LSAMP: variants seen among roughly 807,000 people sequenced by gnomAD.
The protein encoded by LSAMP is limbic system-associated membrane protein.
Under a neutral mutation model 38.6 loss-of-function variants are expected in LSAMP, and 7 were observed. The ratio of observed to expected loss-of-function variants is 0.18; its 90% CI spans 0.10 to 0.34. The LOEUF (loss-of-function observed/expected upper bound fraction) is 0.34. Ranked by LOEUF, LSAMP falls within the 10% of genes least tolerant of loss-of-function variation. The pLI is 1.00. For missense variants in LSAMP, 313 were observed against 420.0 expected (o/e 0.75, Z 2.23); for synonymous variants, 154 against 166.8 (o/e 0.92, Z 0.59).
chr3:116,396,549 T>C (rs1351348613), intron 1 of LSAMP, among the ~76,000 whole-genome samples: 1 of 152,220 alleles, frequency 6.6e-6, no homozygotes, highest in African/African-American at 2.4e-5. Flanking sequence ...CATTGCTTAA[T>C]TACTTTCACT....
At chr3:115,900,692 G>C (rs745609734) in intron 3 of LSAMP, among the ~76,000 whole-genome samples, 26 of 152,080 alleles carry the variant, frequency 1.7e-4, no homozygotes, top group African/African-American at 6.3e-4. Context: ...GAAGTTGGCT[G>C]CTCCATTTAT....
intron 1 of LSAMP, among the ~76,000 whole-genome samples, chr3:116,123,491 G>A (rs1220192713): frequency 6.6e-6 from 1 of 152,240 alleles, no homozygotes; most frequent in Non-Finnish European, 1.5e-5. Context: ...ACATGATGAT[G>A]TAGAAGGAAG....
chr3:116,107,594 G>A (rs754881209), intron 1 of LSAMP, among the ~76,000 whole-genome samples: 5 of 152,186 alleles, frequency 3.3e-5, no homozygotes, highest in Admixed American at 6.5e-5. Context: ...GGGCGAGCAT[G>A]TGTGTTTTTA....
chr3:116,427,437 A>T (rs935880702), intron 1 of LSAMP, among the ~76,000 whole-genome samples: 9 of 152,192 alleles, frequency 5.9e-5, no homozygotes, highest in African/African-American at 2.2e-4. Flanking sequence ...CAGCTCTTTC[A>T]TTAAACATGT....
At chr3:116,411,715 A>G (rs1402851107) in intron 1 of LSAMP, among the ~76,000 whole-genome samples, 1 of 151,156 alleles carries the variant, frequency 6.6e-6, no homozygotes, top group Non-Finnish European at 1.5e-5. Context: ...AGCATGGCAC[A>G]TGTATACATA....
intron 3 of LSAMP, among the ~76,000 whole-genome samples, chr3:115,885,758 A>G (rs1451759053): frequency 6.6e-6 from 1 of 151,824 alleles, no homozygotes. Context: ...GGCAAGGCTT[A>G]AGTTAGAGTC....
Position 116,407,040 on chromosome 3 carries a change from C to A in LSAMP, c.155+37837G>T, listed in dbSNP as rs141453864. On this transcript the variant is annotated intron_variant, in intron 1 of 6. Coordinates refer to ENST00000490035, the MANE Select transcript of LSAMP (RefSeq NM_002338.5). ...AAGAGTATGAAGAAACTTTAACTTTCTGCCTTCACTAATTGAATTTTTTTA... is the reference window on the plus strand; with the variant it reads ...AAGAGTATGAAGAAACTTTAACTTTATGCCTTCACTAATTGAATTTTTTTA... Among the ~76,000 whole-genome samples, 11 of 152,144 alleles carry A rather than the reference C, an allele frequency of 7.2e-5. No individual in the cohort carries two copies. The East Asian group carries it at 2.1e-3, about 29-fold the overall frequency.
intron 6 of LSAMP, among the ~76,000 whole-genome samples, chr3:115,822,548 T>C (rs564644512): frequency 3.3e-5 from 5 of 152,006 alleles, no homozygotes; most frequent in Non-Finnish European, 7.4e-5. Context: ...TTAGTAGAGA[T>C]GGAGTTTCTC....
chr3:116,412,432 T>A (rs777980564), intron 1 of LSAMP, among the ~76,000 whole-genome samples: 3 of 152,090 alleles, frequency 2.0e-5, no homozygotes, highest in Non-Finnish European at 4.4e-5. Flanking sequence ...TCTTTCTACA[T>A]CTCTGATCAC....
intron 2 of LSAMP, among the ~76,000 whole-genome samples, chr3:116,081,298 C>T (rs1055394173): frequency 7.9e-5 from 12 of 152,096 alleles, no homozygotes; most frequent in African/African-American, 2.9e-4. Flanking sequence ...CTCATCTCTA[C>T]TAAAAATTAG....
chr3:116,431,248 TTAA>T (rs1303253028), intron 1 of LSAMP, among the ~76,000 whole-genome samples: 4 of 152,050 alleles, frequency 2.6e-5, no homozygotes, highest in Non-Finnish European at 5.9e-5. Context: ...CCATAATATA[TTAA>T]TAAGTCTATT....
intron 2 of LSAMP, among the ~76,000 whole-genome samples, chr3:116,038,974 G>C (rs1247432129): frequency 1.3e-5 from 2 of 152,036 alleles, no homozygotes; most frequent in Non-Finnish European, 2.9e-5. Context: ...AGAGAGGGAG[G>C]ATAAAAACAA....
intron 1 of LSAMP, among the ~76,000 whole-genome samples, chr3:116,385,975 C>A (rs536777012): frequency 6.6e-6 from 1 of 152,096 alleles, no homozygotes; most frequent in East Asian, 1.9e-4. Flanking sequence ...TACAGAGTAA[C>A]CATGGGCCAG....
intron 3 of LSAMP, among the ~76,000 whole-genome samples, chr3:116,012,671 TC>T (rs1940363978): frequency 6.6e-6 from 1 of 152,110 alleles, no homozygotes; most frequent in Non-Finnish European, 1.5e-5. Context: ...TTTTTAAAAA[TC>T]CCCGTGGTTA....
intron 3 of LSAMP, among the ~76,000 whole-genome samples, chr3:116,014,511 G>C (rs567952179): frequency 1.3e-5 from 2 of 152,212 alleles, no homozygotes; most frequent in African/African-American, 4.8e-5. Flanking sequence ...AAATGCAAGA[G>C]ATAAATGAAA....
intron 3 of LSAMP, among the ~76,000 whole-genome samples, chr3:116,006,208 T>C (rs1940155399): frequency 6.6e-6 from 1 of 152,228 alleles, no homozygotes; most frequent in South Asian, 2.1e-4. Flanking sequence ...GCTGAGGCTA[T>C]TATGGTGGGA....
At position 116,137,901 on chromosome 3, in the gene LSAMP, A is replaced by G. The variant is rs114604481; in HGVS notation, c.156-51345T>C. ...GAATATAAACAGGTCCTCTCTGCCC[A>G]TTTCACTTAAGGATGCCATAGGAAT... On this transcript the variant is annotated intron_variant, in intron 1 of 6. Coordinates refer to ENST00000490035, the MANE Select transcript of LSAMP (RefSeq NM_002338.5). Among the ~76,000 whole-genome samples, 994 of 152,270 alleles carry G rather than the reference A, an allele frequency of 6.5e-3. 10 individuals carry two copies. The highest frequency in any genetic ancestry group is 0.023 in the African/African-American group (946 of 41,568).
intron 3 of LSAMP, among the ~76,000 whole-genome samples, chr3:116,005,665 G>A (rs1050478002): frequency 6.6e-6 from 1 of 152,188 alleles, no homozygotes; most frequent in Admixed American, 6.5e-5. Flanking sequence ...ATCTCCTCTA[G>A]CAACAATCAG....
intron 1 of LSAMP, among the ~76,000 whole-genome samples, chr3:116,113,812 TTAC>T (rs1374144320): frequency 6.6e-6 from 1 of 152,168 alleles, no homozygotes; most frequent in Non-Finnish European, 1.5e-5. Flanking sequence ...ATTATTATAT[TTAC>T]TACTCACAAA....
Sources: gnomAD v4.1 joint callset for allele counts (sites outside exome capture counted in the v4.1 genomes callset) on GRCh38, gnomAD v4.1.1 for gene constraint, MANE v1.5 for transcripts, NCBI Gene and HGNC (gene_info 2026-07-23, HGNC 2026-07-21) for gene names.